Variants in FBXL7 observed in about 807,000 individuals in gnomAD.
FBXL7 encodes the protein F-box/LRR-repeat protein 7.
A neutral mutation model predicts 38.3 loss-of-function variants in FBXL7; 12 were observed. That is an observed-to-expected ratio of 0.31 (90% confidence interval 0.20 to 0.51). The LOEUF (loss-of-function observed/expected upper bound fraction) is 0.51, where lower values mean the gene tolerates loss of function less well. FBXL7 is among the 20% of genes least tolerant of loss of function. The pLI, the probability that FBXL7 is intolerant of heterozygous loss-of-function variation, is 0.98. For missense variants in FBXL7, 567 were observed against 676.4 expected (o/e 0.84, Z 1.79); for synonymous variants, 297 against 300.9 (o/e 0.99, Z 0.13).
At chr5:15,633,948 T>G (rs1171153004) in intron 2 of FBXL7, among the ~76,000 whole-genome samples, 1 of 151,280 alleles carries the variant, frequency 6.6e-6, no homozygotes, top group Non-Finnish European at 1.5e-5. Context: ...ACCCAGCTAA[T>G]TTTTGTATTT....
chr5:15,878,733 C>T (rs551356366), intron 2 of FBXL7, among the ~76,000 whole-genome samples: 13 of 152,276 alleles, frequency 8.5e-5, no homozygotes, highest in African/African-American at 2.9e-4. Context: ...AAAATGGAGA[C>T]GCAGCCAGGC....
intron 2 of FBXL7, among the ~76,000 whole-genome samples, chr5:15,743,401 T>G (rs948969774): frequency 2.0e-5 from 3 of 152,250 alleles, no homozygotes; most frequent in Non-Finnish European, 2.9e-5. Context: ...AAATCCAAGT[T>G]GGTCAGTAAA....
chr5:15,804,669 C>T (rs573989955), intron 2 of FBXL7, among the ~76,000 whole-genome samples: 10 of 152,198 alleles, frequency 6.6e-5, no homozygotes, highest in East Asian at 5.8e-4. Flanking sequence ...GGTGAGGGAG[C>T]ATTGTATCCT....
chr5:15,542,959 T>C (rs1356855908), intron 1 of FBXL7, among the ~76,000 whole-genome samples: 1 of 152,200 alleles, frequency 6.6e-6, no homozygotes. Flanking sequence ...TGGGGTGATC[T>C]ACCAGTTGTC....
chr5:15,766,835 A>G lies in FBXL7; in HGVS notation c.127+150763A>G, dbSNP rs529255786. ...TCTAATCATTAGACTCTAATAAAGA[A>G]ACTCGATACACTGTAAACCCACCAC... On this transcript the variant is annotated intron_variant, in intron 2 of 3. Coordinates refer to ENST00000504595, the MANE Select transcript of FBXL7 (RefSeq NM_012304.5). Among the ~76,000 whole-genome samples the G allele has an allele frequency of 1.7e-4, 26 of 152,340 alleles. 1 individual carries two copies. The South Asian group carries it at 4.8e-3, about 28-fold the overall frequency.
At position 15,928,134 on chromosome 5, in the gene FBXL7, G is replaced by A. The variant is rs767988697; in HGVS notation, c.372G>A (p.Gln124=). The change falls in exon 3 of 4, where the codon CAG becomes CAA. Residue 124 remains glutamine, a synonymous_variant. Transcript: ENST00000504595. This position sits in a 1 kb window ranked among gnomAD's most constrained non-coding sequence, Gnocchi z 4.0. ...IDRLPDHSMV[Q]IFSFLPTNQL... is the part of the protein sequence containing the mutation. ...GGCTCCCGGACCACTCCATGGTGCA[G>A]ATCTTCTCCTTCCTGCCCACCAACC... The A allele has an allele frequency of 1.2e-6, 2 of 1,611,558 alleles. No individual in the cohort carries two copies. The highest frequency in any genetic ancestry group is 4.5e-5 in the East Asian group (2 of 44,730).
chr5:15,603,402 T>C (rs1223848484), intron 1 of FBXL7, among the ~76,000 whole-genome samples: 2 of 152,256 alleles, frequency 1.3e-5, no homozygotes, highest in Non-Finnish European at 2.9e-5. Context: ...GATACTTCTA[T>C]GAGTCTATCT....
intron 2 of FBXL7, among the ~76,000 whole-genome samples, chr5:15,766,668 C>A (rs899769656): frequency 6.6e-6 from 1 of 152,182 alleles, no homozygotes; most frequent in Admixed American, 6.5e-5. Flanking sequence ...CTGGTATATT[C>A]TTCTTTAAAA....
At position 15,553,080 on chromosome 5, in the gene FBXL7, CA is replaced by C. The variant is rs755924778; in HGVS notation, c.37+52379del. On this transcript the variant is annotated intron_variant, in intron 1 of 3. Coordinates refer to ENST00000504595, the MANE Select transcript of FBXL7 (RefSeq NM_012304.5). ...CTGGCGACAGAGTAAGACTCCATGT[CA>C]AAAAAAAAAAACAAAAAAAAACCCA... 3.2e-3 allele frequency among the ~76,000 whole-genome samples: 402 copies of C among 124,028 alleles called. 1 individual carries two copies. The highest frequency in any genetic ancestry group is 0.01 in the African/African-American group (352 of 35,136). 81.4% of individuals were successfully genotyped at this position (124,028 alleles called of 152,430 possible). A position where few individuals can be genotyped will look rare whatever the true frequency, so the allele number is the denominator to read the frequency against.
intron 1 of FBXL7, among the ~76,000 whole-genome samples, chr5:15,561,605 G>C (rs961507596): frequency 2.0e-5 from 3 of 152,148 alleles, no homozygotes; most frequent in African/African-American, 7.2e-5. Flanking sequence ...TCATGTAGTA[G>C]TCCTATTTCT....
At chr5:15,739,549 G>T (rs1735841771) in intron 2 of FBXL7, among the ~76,000 whole-genome samples, 2 of 151,868 alleles carry the variant, frequency 1.3e-5, no homozygotes, top group African/African-American at 2.4e-5. Context: ...TTCCTTATTT[G>T]TCCCTATCCC....
intron 2 of FBXL7, among the ~76,000 whole-genome samples, chr5:15,796,597 G>T (rs552796982): frequency 6.6e-6 from 1 of 152,286 alleles, no homozygotes; most frequent in East Asian, 1.9e-4. Context: ...ACAGGTAATT[G>T]CAGGAGAGAA....
chr5:15,835,446 C>G (rs1213783639), intron 2 of FBXL7, among the ~76,000 whole-genome samples: 17 of 151,952 alleles, frequency 1.1e-4, no homozygotes, highest in Non-Finnish European at 5.9e-5. Flanking sequence ...TTTTAAGAAC[C>G]AATATTAGAA....
At chr5:15,645,228 T>A (rs1400503054) in intron 2 of FBXL7, among the ~76,000 whole-genome samples, 1 of 152,134 alleles carries the variant, frequency 6.6e-6, no homozygotes, top group Non-Finnish European at 1.5e-5. Flanking sequence ...AAAATAAATC[T>A]TGGGACCCCC....
chr5:15,925,784 T>C (rs1741863521), intron 2 of FBXL7, among the ~76,000 whole-genome samples: 1 of 152,224 alleles, frequency 6.6e-6, no homozygotes, highest in African/African-American at 2.4e-5. Flanking sequence ...GCTATATAGA[T>C]ACATACCTAT....
chr5:15,684,967 A>C (rs1158242434), intron 2 of FBXL7, among the ~76,000 whole-genome samples: 1 of 152,178 alleles, frequency 6.6e-6, no homozygotes, highest in African/African-American at 2.4e-5. Flanking sequence ...CTGGGGAGAA[A>C]ATTTTTGAAA....
intron 2 of FBXL7, among the ~76,000 whole-genome samples, chr5:15,865,220 G>A (rs1325608014): frequency 6.6e-6 from 1 of 152,266 alleles, no homozygotes; most frequent in South Asian, 2.1e-4. Flanking sequence ...TGGGAGAGGA[G>A]TAACGCCCTG....
At chr5:15,922,558 A>G (rs1741771512) in intron 2 of FBXL7, among the ~76,000 whole-genome samples, 1 of 152,164 alleles carries the variant, frequency 6.6e-6, no homozygotes, top group Non-Finnish European at 1.5e-5. Flanking sequence ...TCAGTTACCA[A>G]AAGGCCTTCT....
intron 2 of FBXL7, among the ~76,000 whole-genome samples, chr5:15,780,901 C>T (rs1006218597): frequency 6.6e-6 from 1 of 152,170 alleles, no homozygotes; most frequent in African/African-American, 2.4e-5. Flanking sequence ...CAGGAAAATT[C>T]TGTTCTTTCT....
Sources: allele counts gnomAD v4.1 joint callset (sites outside exome capture counted in the v4.1 genomes callset), GRCh38; gene constraint gnomAD v4.1.1; non-coding constraint Gnocchi (gnomAD v3.1); transcripts MANE v1.5; gene names NCBI Gene and HGNC (gene_info 2026-07-23, HGNC 2026-07-21).